The following ERP44 variants were observed in gnomAD, a reference collection of about 807,000 sequenced individuals.
ERP44 encodes the protein endoplasmic reticulum protein 44, also known as endoplasmic reticulum resident protein 44.
ERP44 carries 25 observed loss-of-function variants against 53.4 expected under a neutral mutation model. The observed-to-expected ratio is 0.47, with a 90% CI of 0.34 to 0.65. The LOEUF (loss-of-function observed/expected upper bound fraction) is 0.65, where lower values mean the gene tolerates loss of function less well. ERP44 is among the 30% of genes least tolerant of loss of function. The pLI is 0.01. For missense variants in ERP44, 338 were observed against 493.2 expected (o/e 0.69, Z 2.98); for synonymous variants, 145 against 161.2 (o/e 0.90, Z 0.76).
At chr9:100,001,271 A>C (rs1486061701) in intron 10 of ERP44, among the ~76,000 whole-genome samples, 1 of 152,182 alleles carries the variant, frequency 6.6e-6, no homozygotes, top group Non-Finnish European at 1.5e-5. Context: ...CATATGATCT[A>C]TCCTGAAGAA....
chr9:100,096,999 A>T (rs1826639922), intron 1 of ERP44, among the ~76,000 whole-genome samples: 1 of 152,174 alleles, frequency 6.6e-6, no homozygotes. Context: ...ATTCCAATTA[A>T]ATCTAGTTTG....
chr9:100,048,381 AG>A (rs1231110288), intron 4 of ERP44, among the ~76,000 whole-genome samples: 4 of 152,176 alleles, frequency 2.6e-5, no homozygotes, highest in African/African-American at 4.8e-5. Flanking sequence ...AGTGCAGGTG[AG>A]GGTGTGGAGA....
intron 4 of ERP44, among the ~76,000 whole-genome samples, chr9:100,034,472 A>C (rs1241715501): frequency 1.3e-5 from 2 of 152,222 alleles, no homozygotes; most frequent in African/African-American, 4.8e-5. Flanking sequence ...AACCATAAAA[A>C]TAGCCAGCCA....
intron 5 of ERP44, 69 bp from the exon 6 acceptor site, chr9:100,020,800 C>T (rs758151759): frequency 1.8e-5 from 14 of 792,158 alleles, no homozygotes; most frequent in South Asian, 4.7e-5. Flanking sequence ...TTCATTTACC[C>T]GTTATCTTAG....
intron 8 of ERP44, among the ~76,000 whole-genome samples, chr9:100,009,917 C>T (rs1054472206): frequency 7.2e-5 from 11 of 152,074 alleles, no homozygotes; most frequent in Non-Finnish European, 2.9e-5. Context: ...TCTCATTCCA[C>T]TCCATCCCTG....
At chr9:100,022,781 T>C (rs1043212542) in intron 4 of ERP44, among the ~76,000 whole-genome samples, 5 of 152,158 alleles carry the variant, frequency 3.3e-5, no homozygotes, top group African/African-American at 7.2e-5. Flanking sequence ...CTCTCTAGCA[T>C]AGGCAATCAA....
At chr9:100,010,025 T>C (rs2118637164) in intron 8 of ERP44, among the ~76,000 whole-genome samples, 1 of 152,136 alleles carries the variant, frequency 6.6e-6, no homozygotes, top group South Asian at 2.1e-4. Context: ...GCCCCTCATG[T>C]GGCACGGGGC....
At chr9:100,058,401 T>A (rs1826108150) in intron 2 of ERP44, among the ~76,000 whole-genome samples, 1 of 152,166 alleles carries the variant, frequency 6.6e-6, no homozygotes, top group Admixed American at 6.5e-5. Context: ...TAAATGAATT[T>A]AAAGCAAATG....
rs548014047 is a variant in ERP44, at chr9:100,084,750, C to T, written c.57+14034G>A. ...ATTCAAAAATAAGTGACAGACTCTCCGAAAATCGTATCATACGGAACTATG... is the reference window on the plus strand; with the variant it reads ...ATTCAAAAATAAGTGACAGACTCTCTGAAAATCGTATCATACGGAACTATG... On this transcript the variant is annotated intron_variant, in intron 1 of 11. Transcript: ENST00000262455. 3.9e-5 allele frequency among the ~76,000 whole-genome samples: 6 copies of T among 152,216 alleles called. No individual in the cohort carries two copies. In the South Asian group the frequency reaches 8.3e-4, roughly 21 times the overall value.
At chr9:100,013,480 T>C (rs1830497118) in intron 8 of ERP44, among the ~76,000 whole-genome samples, 1 of 151,488 alleles carries the variant, frequency 6.6e-6, no homozygotes, top group African/African-American at 2.4e-5. Context: ...ACCCAGAACA[T>C]TAAGCATGGC....
chr9:100,056,776 T>C (rs1439205251), intron 3 of ERP44, among the ~76,000 whole-genome samples: 1 of 152,034 alleles, frequency 6.6e-6, no homozygotes, highest in Non-Finnish European at 1.5e-5. Context: ...TTTATAGGAA[T>C]TGAAAGAAGT....
At chr9:100,038,099 G>A (rs566431761) in intron 4 of ERP44, among the ~76,000 whole-genome samples, 4 of 152,170 alleles carry the variant, frequency 2.6e-5, no homozygotes, top group South Asian at 4.1e-4. Flanking sequence ...TGTCCTACAA[G>A]AAACGTTAAC....
chr9:100,045,625 A>G (rs2118696396), intron 4 of ERP44, among the ~76,000 whole-genome samples: 1 of 152,322 alleles, frequency 6.6e-6, no homozygotes, highest in South Asian at 2.1e-4. Flanking sequence ...AACTTTTCCA[A>G]GAAATAATAC....
chr9:100,021,578 G>A (rs187351050), intron 5 of ERP44, among the ~76,000 whole-genome samples: 3 of 152,168 alleles, frequency 2.0e-5, no homozygotes, highest in Non-Finnish European at 4.4e-5. Context: ...TTTTGCTTTT[G>A]TTGTTTGTTA....
At chr9:100,031,165 A>G (rs892161131) in intron 4 of ERP44, among the ~76,000 whole-genome samples, 2 of 149,012 alleles carry the variant, frequency 1.3e-5, no homozygotes, top group Non-Finnish European at 3.0e-5. Flanking sequence ...AAACTGGTTA[A>G]TTACAGACTT....
chr9:99,990,016 A>G (rs1411283753), intron 10 of ERP44, among the ~76,000 whole-genome samples: 1 of 152,236 alleles, frequency 6.6e-6, no homozygotes, highest in African/African-American at 2.4e-5. Flanking sequence ...ATATGAGACT[A>G]CGTGAAAAGA....
chr9:100,052,311 A>G, intron 4 of ERP44, 106 bp downstream of exon 4: 1 of 528,790 alleles, frequency 1.9e-6, no homozygotes, highest in Non-Finnish European at 3.2e-6. Flanking sequence ...TTTAAAAAAA[A>G]AAAGAAAAGG....
At chr9:100,038,142 A>G (rs1199874343) in intron 4 of ERP44, among the ~76,000 whole-genome samples, 1 of 152,218 alleles carries the variant, frequency 6.6e-6, no homozygotes, top group Non-Finnish European at 1.5e-5. Context: ...AAAAGACGTT[A>G]ATAATAAGAA....
intron 1 of ERP44, among the ~76,000 whole-genome samples, chr9:100,076,837 C>T (rs766621587): frequency 6.2e-4 from 95 of 152,356 alleles, no homozygotes; most frequent in Non-Finnish European, 6.6e-4. Flanking sequence ...GTGGACACCA[C>T]TAAGCCTCCT....
Sources: gnomAD v4.1 joint callset for allele counts (sites outside exome capture counted in the v4.1 genomes callset) on GRCh38, gnomAD v4.1.1 for gene constraint, MANE v1.5 for transcripts, NCBI Gene and HGNC (gene_info 2026-07-23, HGNC 2026-07-21) for gene names.